Variants in RNASEH2A observed in about 807,000 individuals in gnomAD.
RNASEH2A encodes the protein ribonuclease H2 subunit A.
Under a neutral mutation model 32.7 loss-of-function variants are expected in RNASEH2A, and 30 were observed. The observed-to-expected ratio is 0.92, with a 90% CI of 0.69 to 1.25. RNASEH2A has a LOEUF of 1.25. RNASEH2A is among the 50% of genes most tolerant of loss of function. RNASEH2A has a pLI of 0.00. For missense variants in RNASEH2A, 409 were observed against 398.1 expected (o/e 1.03, Z -0.23); for synonymous variants, 147 against 165.4 (o/e 0.89, Z 0.86).
At chr19:12,807,798 G>T (rs1969017486) in intron 4 of RNASEH2A, 1 of 398,294 alleles carries the variant, frequency 2.5e-6, no homozygotes, top group Non-Finnish European at 4.8e-6. Flanking sequence ...TGGACGTGGT[G>T]GCAGGCGCCT....
At position 12,809,167 on chromosome 19, in the gene RNASEH2A, G is replaced by A. The variant is rs867667047; in HGVS notation, c.412-904G>A. Among the ~76,000 whole-genome samples the A allele has an allele frequency of 1.1e-4, 17 of 152,290 alleles. 1 individual carries two copies. In the South Asian group the frequency reaches 3.3e-3, roughly 30 times the overall value. ...AGGCGGGCGGATCATCAGGTCAGGA[G>A]TTCGAGACCAGCCTGACCAACATGG... On this transcript the variant is annotated intron_variant, in intron 4 of 7. Coordinates refer to ENST00000221486, the MANE Select transcript of RNASEH2A (RefSeq NM_006397.3).
rs745464930 is a variant in RNASEH2A, at chr19:12,810,334, C to T, written c.567C>T (p.Ala189=). The stretch of plus-strand genomic sequence containing the variant: ...GCCCACAGGTGGCCCGGGACCAGGC[C>T]GTGAAGAAATGGCAGTTCGTGGAGA... ...SICAKVARDQ[A]VKKWQFVEKL... Residue 189 remains alanine (A), a synonymous_variant, in exon 6 of 8, where the codon GCC becomes GCT. Transcript: ENST00000221486. 1.2e-5 allele frequency: 20 copies of T among 1,614,036 alleles called. No homozygotes were observed. The East Asian group carries it at 2.0e-4, about 16-fold the overall frequency.
At chr19:12,808,129 G>C (rs1969022361) in intron 4 of RNASEH2A, among the ~76,000 whole-genome samples, 1 of 152,052 alleles carries the variant, frequency 6.6e-6, no homozygotes, top group Non-Finnish European at 1.5e-5. Context: ...GCGGGTGCCT[G>C]TAATCCCACC....
intron 4 of RNASEH2A, chr19:12,807,908 G>A: frequency 6.7e-6 from 2 of 298,128 alleles, no homozygotes; most frequent in Non-Finnish European, 1.3e-5. Context: ...CTCCAACCCG[G>A]GCAACAGAGC....
Position 12,810,201 on chromosome 19 carries a change from G to A in RNASEH2A, c.542G>A (p.Cys181Tyr), listed in dbSNP as rs201041092. The change falls in exon 5 of 8, where the codon TGT (cysteine) becomes TAT (tyrosine). Residue 181 changes from cysteine (C) to tyrosine (Y), a missense_variant. By Grantham distance (194) the Cys-to-Tyr change is radical (BLOSUM62 -2). Transcript: ENST00000221486. ...LYPVVSAASI[C>Y]AKVARDQAVK... ...CCGGTGGTTAGTGCTGCCAGCATCT[G>A]TGCCAAGGTCAGTACCCTACTAGCC... 1.7e-5 allele frequency: 28 copies of A among 1,614,086 alleles called. 1 individual carries two copies. Among genetic ancestry groups the A allele is most frequent in the Middle Eastern group, 1.6e-4 (1 of 6,084 alleles).
chr19:12,810,276 A>G (rs777214653), intron 5 of RNASEH2A, 41 bp from the exon 6 acceptor site: 35 of 1,613,708 alleles, frequency 2.2e-5, no homozygotes, highest in Middle Eastern at 1.6e-4. Flanking sequence ...ATGGCCACCA[A>G]AGGGAAGGAG....
In RNASEH2A at chr19:12,813,598, C is replaced by T; in HGVS notation, c.*132C>T. 1 of 1,103,858 alleles carries T rather than the reference C, an allele frequency of 9.1e-7. No individual in the cohort carries two copies. The highest frequency in any genetic ancestry group is 1.3e-5 in the South Asian group (1 of 78,974). 68.4% of individuals were successfully genotyped at this position (1,103,858 alleles called of 1,614,324 possible). On this transcript the variant is annotated 3_prime_UTR_variant, in exon 8 of 8. Transcript: ENST00000221486. ...TGTGCTCTGCAGCCGGGTCCAGCTACTTCCTTTTGGAACCTTAAATAGAAT... is the reference window on the plus strand; with the variant it reads ...TGTGCTCTGCAGCCGGGTCCAGCTATTTCCTTTTGGAACCTTAAATAGAAT...
intron 6 of RNASEH2A, among the ~76,000 whole-genome samples, chr19:12,812,047 G>A (rs1006608791): frequency 1.3e-5 from 2 of 151,920 alleles, no homozygotes; most frequent in Admixed American, 1.3e-4. Flanking sequence ...CAACCAGCCT[G>A]GGCAATATGA....
At position 12,810,114 on chromosome 19, in the gene RNASEH2A, G is replaced by T; in HGVS notation, c.455G>T (p.Arg152Leu). The T allele has an allele frequency of 6.2e-7, 1 of 1,614,198 alleles. No individual in the cohort carries two copies. Among genetic ancestry groups the T allele is most frequent in the Non-Finnish European group, 8.5e-7 (1 of 1,180,040 alleles). The change falls in exon 5 of 8, where the codon CGG (arginine) becomes CTG (leucine). Residue 152 changes from arginine to leucine, a missense_variant. Physicochemically the swap from Arg to Leu is moderately radical, Grantham distance 102. Coordinates refer to ENST00000221486, the MANE Select transcript of RNASEH2A (RefSeq NM_006397.3). The stretch of plus-strand genomic sequence containing the variant: ...GGGATGCCAGAGACATACCAGGCGC[G>T]GCTGCAGCAAAGTTTTCCCGGGATT... ...TVGMPETYQARLQQSFPGIEV... is the reference protein window; with the variant it reads ...TVGMPETYQALLQQSFPGIEV...
In RNASEH2A at chr19:12,813,158, G is replaced by GGC. The variant is rs78705193; in HGVS notation, c.716_717dup (p.Thr240AlafsTer77). The GGC allele has an allele frequency of 9.9e-6, 16 of 1,613,970 alleles. No individual in the cohort carries two copies. Among genetic ancestry groups the GGC allele is most frequent in the Non-Finnish European group, 1.3e-5 (15 of 1,180,016 alleles). ...TTCCCCCAGTTTGTCCGGTTCAGCT[G>GGC]GCGCACGGCCCAGACCATCCTGGAG... On this transcript the variant is annotated frameshift_variant, in exon 7 of 8. Transcript: ENST00000221486. LOFTEE classifies it low-confidence loss of function (END_TRUNC).
chr19:12,810,175 C>T lies in RNASEH2A; in HGVS notation c.516C>T (p.Tyr172=), dbSNP rs1415211346. The T allele has an allele frequency of 1.7e-5, 28 of 1,614,090 alleles. No homozygotes were observed. Among genetic ancestry groups the T allele is most frequent in the Non-Finnish European group, 2.2e-5 (26 of 1,180,056 alleles). Residue 172 remains tyrosine (Y), a synonymous_variant, in exon 5 of 8, where the codon TAC becomes TAT. Transcript: ENST00000221486. The part of the protein sequence containing the change: ...VTVKAKADAL[Y]PVVSAASICA... The stretch of plus-strand genomic sequence containing the variant: ...TCAAGGCCAAAGCAGATGCCCTCTA[C>T]CCGGTGGTTAGTGCTGCCAGCATCT...
chr19:12,812,296 G>A (rs924237195), intron 6 of RNASEH2A, among the ~76,000 whole-genome samples: 11 of 152,140 alleles, frequency 7.2e-5, no homozygotes, highest in Non-Finnish European at 4.4e-5. Flanking sequence ...GGGAGGCTGA[G>A]GTGGGTGGAT....
At chr19:12,810,689 C>T (rs993419284) in intron 6 of RNASEH2A, among the ~76,000 whole-genome samples, 1 of 152,092 alleles carries the variant, frequency 6.6e-6, no homozygotes, top group Non-Finnish European at 1.5e-5. Flanking sequence ...TGCCACCACA[C>T]CCAGCTAATT....
rs1969049472 is a variant in RNASEH2A, at chr19:12,809,990, A to G, written c.412-81A>G. On this transcript the variant is annotated intron_variant, in intron 4 of 7. Coordinates refer to ENST00000221486, the MANE Select transcript of RNASEH2A (RefSeq NM_006397.3). ...GCTGGAGAAGAGGATTCTGGGTAGC[A>G]GGAAGAACGTGCCAGGGCTGTGAGG... The G allele has an allele frequency of 4.5e-6, 7 of 1,569,576 alleles. No individual in the cohort carries two copies. In the Admixed American group the frequency reaches 1.2e-4, roughly 26 times the overall value.
intron 4 of RNASEH2A, 92 bp downstream of exon 4, chr19:12,807,598 C>CT: frequency 1.9e-6 from 2 of 1,033,186 alleles, no homozygotes; most frequent in Non-Finnish European, 3.0e-6. Context: ...CATGATCATG[C>CT]CACAGCACTC....
chr19:12,807,965 G>T, intron 4 of RNASEH2A: 1 of 227,680 alleles, frequency 4.4e-6, no homozygotes, highest in Non-Finnish European at 8.8e-6. Context: ...AACTAAAAAT[G>T]GGAGACCAGG....
In RNASEH2A at chr19:12,806,609, A is replaced by G; in HGVS notation, c.-65A>G. The G allele has an allele frequency of 1.3e-6, 2 of 1,549,456 alleles. No homozygotes were observed. Among genetic ancestry groups the G allele is most frequent in the Non-Finnish European group, 1.7e-6 (2 of 1,145,578 alleles). On this transcript the variant is annotated 5_prime_UTR_variant, in exon 1 of 8. Transcript: ENST00000221486. The stretch of plus-strand genomic sequence containing the variant: ...AGGCGCCGCTTCGAGGCCCGCGGAA[A>G]ACGCGCGCCGAGACCCGCTCCTGCA...
intron 6 of RNASEH2A, among the ~76,000 whole-genome samples, chr19:12,811,071 G>A (rs375940370): frequency 6.6e-6 from 1 of 152,246 alleles, no homozygotes; most frequent in African/African-American, 2.4e-5. Context: ...AAATAGCTAG[G>A]ATTACAGGTG....
intron 4 of RNASEH2A, among the ~76,000 whole-genome samples, chr19:12,809,238 T>C (rs1568387426): frequency 6.6e-6 from 1 of 152,108 alleles, no homozygotes; most frequent in Non-Finnish European, 1.5e-5. Context: ...AAATAAAACA[T>C]GAAAGATGGT....
Sources: allele counts gnomAD v4.1 joint callset (sites outside exome capture counted in the v4.1 genomes callset), GRCh38; gene constraint gnomAD v4.1.1; transcripts MANE v1.5; gene names NCBI Gene and HGNC (gene_info 2026-07-23, HGNC 2026-07-21).